TNPO1: variants seen among roughly 807,000 people sequenced by gnomAD.
The protein encoded by TNPO1 is transportin 1.
In TNPO1, 8 loss-of-function variants were observed where a neutral mutation model predicts 119.5. The observed-to-expected ratio is 0.07, with a 90% CI of 0.04 to 0.12. The LOEUF (loss-of-function observed/expected upper bound fraction) is 0.12, where lower values mean the gene tolerates loss of function less well. Ranked by LOEUF, TNPO1 falls within the 10% of genes least tolerant of loss-of-function variation. The pLI is 1.00. For missense variants in TNPO1, 576 were observed against 1,089.8 expected, an observed-to-expected ratio of 0.53 and a Z score of 6.64; for synonymous variants, 362 against 363.0, an observed-to-expected ratio of 1.00 and a Z score of 0.03.
At chr5:72,817,314 A>G (rs1393905597) in intron 1 of TNPO1, among the ~76,000 whole-genome samples, 1 of 152,018 alleles carries the variant, frequency 6.6e-6, no homozygotes, top group Non-Finnish European at 1.5e-5. Flanking sequence ...GCCTCACGAC[A>G]TGTTTACATA....
In TNPO1 at chr5:72,893,600, T is replaced by C. The variant is rs1297499866; in HGVS notation, c.2056-16T>C. The C allele has an allele frequency of 6.2e-7, 1 of 1,614,234 alleles. No homozygotes were observed. Reference sequence around the variant, plus strand: ...TCTGTGTCACATTGGGGTTAATTTCTTCTTATTTCTTGTAGGATAAAATGC... The same window carrying C: ...TCTGTGTCACATTGGGGTTAATTTCCTCTTATTTCTTGTAGGATAAAATGC... On this transcript the variant is annotated splice_polypyrimidine_tract_variant and intron_variant, in intron 17 of 24. Transcript: ENST00000337273.
At chr5:72,896,380 T>C (rs1749429272) in intron 18 of TNPO1, 78 bp from the exon 19 acceptor site, 2 of 848,446 alleles carry the variant, frequency 2.4e-6, no homozygotes, top group South Asian at 4.6e-5. Flanking sequence ...GATTTCTGTT[T>C]CCACCTAGTA....
chr5:72,837,967 G>GT (rs1317769194), intron 1 of TNPO1, among the ~76,000 whole-genome samples: 1 of 152,118 alleles, frequency 6.6e-6, no homozygotes, highest in African/African-American at 2.4e-5. Flanking sequence ...CCTTTCAAAA[G>GT]TTTTTTCTGC....
At position 72,821,409 on chromosome 5, in the gene TNPO1, CAAAT is replaced by C. The variant is rs375355655; in HGVS notation, c.15+4662_15+4665del. On this transcript the variant is annotated intron_variant, in intron 1 of 24. Transcript: ENST00000337273. ...AAATCATGAATATACTAAATAAATG[CAAAT>C]AAATTATTAGGAATAGGTGGTATCC... Among the ~76,000 whole-genome samples, 609 of 151,916 alleles carry C rather than the reference CAAAT, an allele frequency of 4.0e-3. 5 individuals carry two copies. Among genetic ancestry groups the C allele is most frequent in the African/African-American group, 0.014 (591 of 41,432 alleles).
In TNPO1 at chr5:72,911,654, T is replaced by C. The variant is rs1319092893; in HGVS notation, c.*2981T>C. The C allele has an allele frequency of 6.6e-6, 1 of 152,572 alleles. No homozygotes were observed. Among genetic ancestry groups the C allele is most frequent in the Non-Finnish European group, 1.5e-5 (1 of 67,958 alleles). The allele number at this position is 152,572 out of a possible 1,614,324, so 9.5% of individuals were successfully genotyped here. ...TATAAAATTGTGAGTTTGTCTTTGT[T>C]ACATTCCAGTGTTTCTGCCTCTTGG... On this transcript the variant is annotated 3_prime_UTR_variant, in exon 25 of 25. Coordinates refer to ENST00000337273, the MANE Select transcript of TNPO1 (RefSeq NM_002270.4).
rs1750074516 is a variant in TNPO1, at chr5:72,905,415, A to G, written c.*5A>G. 5 of 1,592,528 alleles carry G rather than the reference A, an allele frequency of 3.1e-6. No homozygotes were observed. In the East Asian group the frequency reaches 1.1e-4, roughly 36 times the overall value. ...GCAGCTTTTTATGGTGTTTAATCTA[A>G]TACACTTAAGCTGCAGTCCCAAAAT... On this transcript the variant is annotated 3_prime_UTR_variant, in exon 24 of 25. Transcript: ENST00000337273.
intron 11 of TNPO1, among the ~76,000 whole-genome samples, chr5:72,886,794 C>T (rs914634568): frequency 1.4e-5 from 2 of 144,800 alleles, no homozygotes; most frequent in African/African-American, 2.6e-5. Flanking sequence ...GGGGCTAAAG[C>T]GGGAGAATCA....
chr5:72,868,456 A>C (rs1375689565), intron 6 of TNPO1, among the ~76,000 whole-genome samples: 14 of 133,070 alleles, frequency 1.1e-4, no homozygotes, highest in Non-Finnish European at 1.9e-4. Context: ...AAAAAAAAAA[A>C]AAACACAAAA....
At chr5:72,858,060 A>G (rs906114466) in intron 4 of TNPO1, among the ~76,000 whole-genome samples, 3 of 152,262 alleles carry the variant, frequency 2.0e-5, no homozygotes, top group African/African-American at 7.2e-5. Context: ...ATACTTAAGT[A>G]TTCTAATTGT....
At chr5:72,855,273 T>TA (rs60214940) in intron 3 of TNPO1, among the ~76,000 whole-genome samples, 27,698 of 146,170 alleles carry the variant, frequency 0.19, 2,879 homozygotes, top group African/African-American at 0.28. Flanking sequence ...CGCCCAGCCT[T>TA]AAAAAAAAAA....
intron 1 of TNPO1, among the ~76,000 whole-genome samples, chr5:72,829,748 C>T (rs1168232854): frequency 6.6e-6 from 1 of 152,178 alleles, no homozygotes; most frequent in Non-Finnish European, 1.5e-5. Flanking sequence ...TCCCAGCTGG[C>T]TGTTCTTATG....
rs553406797 is a variant in TNPO1 at position 72,885,989 on chromosome 5, AACTAACCCACTCCT to A, written c.1151-1078_1151-1065del. 3.9e-5 allele frequency among the ~76,000 whole-genome samples: 6 copies of A among 152,242 alleles called. 1 individual carries two copies. The highest frequency in any genetic ancestry group is 3.9e-4 in the Admixed American group (6 of 15,288). On this transcript the variant is annotated intron_variant, in intron 11 of 24. Coordinates refer to ENST00000337273, the MANE Select transcript of TNPO1 (RefSeq NM_002270.4). ...CTTATAATAAGCCAACTCTCTTGAT[AACTAACCCACTCCT>A]ACAGTAACGACATTAACCCATTTAT... is the stretch of plus-strand genomic sequence containing the variant.
chr5:72,898,999 A>G (rs966505994), intron 20 of TNPO1, among the ~76,000 whole-genome samples: 3 of 152,076 alleles, frequency 2.0e-5, no homozygotes, highest in Non-Finnish European at 4.4e-5. Context: ...ATGTATTTAC[A>G]TGTACGTACC....
chr5:72,867,312 TTAA>T (rs935430025), intron 6 of TNPO1, among the ~76,000 whole-genome samples: 18 of 152,248 alleles, frequency 1.2e-4, no homozygotes, highest in African/African-American at 4.3e-4. Context: ...TCATCCATCT[TTAA>T]TATGATATTC....
chr5:72,840,635 G>C (rs1458125576), intron 1 of TNPO1, among the ~76,000 whole-genome samples: 1 of 152,154 alleles, frequency 6.6e-6, no homozygotes. Context: ...TCTGGTTATA[G>C]ATTGGGTCAA....
At chr5:72,865,931 A>C (rs920112227) in intron 6 of TNPO1, among the ~76,000 whole-genome samples, 1 of 152,248 alleles carries the variant, frequency 6.6e-6, no homozygotes, top group African/African-American at 2.4e-5. Context: ...AATTTTTGTT[A>C]AACATGATAA....
chr5:72,885,177 A>G (rs1254354213), intron 11 of TNPO1, among the ~76,000 whole-genome samples: 1 of 152,250 alleles, frequency 6.6e-6, no homozygotes, highest in Non-Finnish European at 1.5e-5. Flanking sequence ...CATATTTAAC[A>G]TTTCCAACAA....
At chr5:72,828,259 C>T (rs1045336738) in intron 1 of TNPO1, among the ~76,000 whole-genome samples, 1 of 152,096 alleles carries the variant, frequency 6.6e-6, no homozygotes, top group Non-Finnish European at 1.5e-5. Flanking sequence ...GGAAATCTCT[C>T]AGTGGAGTGG....
Position 72,912,640 on chromosome 5 carries a change from T to C in TNPO1, c.*3967T>C, listed in dbSNP as rs1750641676. On this transcript the variant is annotated 3_prime_UTR_variant, in exon 25 of 25. Coordinates refer to ENST00000337273, the MANE Select transcript of TNPO1 (RefSeq NM_002270.4). ...CTGACAAGCCTTTTGCCTACAGGTT[T>C]ACCTGAAAATGAGCTACATATGGTC... The C allele has an allele frequency of 6.6e-6, 1 of 152,494 alleles. No homozygotes were observed. Among genetic ancestry groups the C allele is most frequent in the Non-Finnish European group, 1.5e-5 (1 of 67,918 alleles). The allele number at this position is 152,494 out of a possible 1,614,324, so 9.4% of individuals were successfully genotyped here. A position where few individuals can be genotyped will look rare whatever the true frequency, so the allele number is the denominator to read the frequency against.
Sources: allele counts gnomAD v4.1 joint callset (sites outside exome capture counted in the v4.1 genomes callset), GRCh38; gene constraint gnomAD v4.1.1; transcripts MANE v1.5; gene names NCBI Gene and HGNC (gene_info 2026-07-23, HGNC 2026-07-21).